Variants in AFDN observed in about 807,000 individuals in gnomAD.
AFDN encodes the protein afadin, adherens junction formation factor, also known as afadin.
A neutral mutation model predicts 216.6 loss-of-function variants in AFDN; 68 were observed. The observed-to-expected ratio is 0.31, with a 90% CI of 0.26 to 0.38. The LOEUF is 0.38. Ranked by LOEUF, AFDN falls within the 10% of genes least tolerant of loss-of-function variation. The pLI, the probability that AFDN is intolerant of heterozygous loss-of-function variation, is 1.00. For synonymous variants in AFDN, 868 were observed against 853.7 expected (o/e 1.02, Z -0.29); for missense variants, 2,136 against 2,342.0 (o/e 0.91, Z 1.82).
chr6:167,882,940 C>T (rs533126378), intron 6 of AFDN, among the ~76,000 whole-genome samples: 13 of 151,890 alleles, frequency 8.6e-5, no homozygotes, highest in African/African-American at 1.9e-4. Flanking sequence ...TCTGGCATGC[C>T]GTGTACTTTC....
chr6:167,951,983 G>A lies in AFDN; in HGVS notation c.4629G>A (p.Leu1543=), dbSNP rs778048799. 9.3e-6 allele frequency: 15 copies of A among 1,614,206 alleles called. No homozygotes were observed. The highest frequency in any genetic ancestry group is 1.2e-5 in the Non-Finnish European group (14 of 1,180,046). ...AGCAGATGCACATCGTGGACATGCT[G>A]AGCAAGGAGATCCAGGAGCTCCAGA... The part of the protein sequence containing the change: ...KQQQMHIVDM[L]SKEIQELQSK... The change falls in exon 30 of 34, where the codon CTG becomes CTA. Residue 1543 remains leucine, a synonymous_variant. Coordinates refer to ENST00000683244, the MANE Select transcript of AFDN (RefSeq NM_001386888.1). This position sits in a 1 kb window ranked among gnomAD's most constrained non-coding sequence, Gnocchi z 7.1.
rs779545868 is a variant in AFDN, at chr6:167,951,625, G to A, written c.4271G>A (p.Arg1424His). Residue 1424 changes from arginine (R) to histidine (H), a missense_variant, in exon 30 of 34, where the codon CGT becomes CAT. Arg to His is a conservative substitution (Grantham distance 29). Coordinates refer to ENST00000683244, the MANE Select transcript of AFDN (RefSeq NM_001386888.1). This position sits in a 1 kb window ranked among gnomAD's most constrained non-coding sequence, Gnocchi z 7.1. Reference protein sequence around the residue: ...AERRKREEHQRWYEKEKARLE... With the variant: ...AERRKREEHQHWYEKEKARLE... Reference sequence around the variant, plus strand: ...CGGAGAAAGAGAGAAGAACATCAGCGTTGGTATGAGAAGGAGAAGGCCCGC... The same window carrying A: ...CGGAGAAAGAGAGAAGAACATCAGCATTGGTATGAGAAGGAGAAGGCCCGC... 12 of 1,614,106 alleles carry A rather than the reference G, an allele frequency of 7.4e-6. No individual in the cohort carries two copies. The highest frequency in any genetic ancestry group is 4.4e-5 in the South Asian group (4 of 91,062).
rs1795509284 is a variant in AFDN, at chr6:167,947,849, G to C, written c.3554-4G>C. ...CTTTTTTTTTTCCCCCCTGACTTGA[G>C]CAGATCAGCCTCCTAGTCCTGGAGG... On this transcript the variant is annotated splice_region_variant and splice_polypyrimidine_tract_variant and intron_variant, in intron 27 of 33. Transcript: ENST00000683244. 6.2e-7 allele frequency: 1 copy of C among 1,603,286 alleles called. No individual in the cohort carries two copies. Among genetic ancestry groups the C allele is most frequent in the African/African-American group, 1.3e-5 (1 of 74,428 alleles).
intron 1 of AFDN, among the ~76,000 whole-genome samples, chr6:167,830,804 T>C (rs888164908): frequency 8.5e-5 from 13 of 152,206 alleles, no homozygotes; most frequent in African/African-American, 2.7e-4. Flanking sequence ...AATAACTTTG[T>C]CAGCAGAGGT....
intron 5 of AFDN, among the ~76,000 whole-genome samples, chr6:167,877,840 A>C (rs1316712259): frequency 6.6e-6 from 1 of 152,090 alleles, no homozygotes; most frequent in Non-Finnish European, 1.5e-5. Flanking sequence ...TTAGTTTCTC[A>C]AGTTCTGATG....
chr6:167,857,539 G>T (rs889412813), intron 1 of AFDN, among the ~76,000 whole-genome samples: 4 of 151,900 alleles, frequency 2.6e-5, no homozygotes, highest in African/African-American at 9.7e-5. Context: ...TTTTTTTCAG[G>T]GGGTTCTTAA....
chr6:167,827,169 C>A lies in AFDN; in HGVS notation c.37C>A (p.Leu13Met). The change falls in exon 1 of 34, where the codon CTG becomes ATG. Residue 13 changes from leucine (L) to methionine (M), a missense_variant. By Grantham distance (15) the Leu-to-Met change is conservative. Around this residue, in one of 8 missense-constraint regions of AFDN, gnomAD observed 81 missense variants for 51.2 expected, o/e 1.58. Transcript: ENST00000683244. Reference sequence around the variant, plus strand: ...CGGCCGTGACGAGGAGCGGCGGAAGCTGGCCGACATCATCCACCACTGGAA... The same window carrying A: ...CGGCCGTGACGAGGAGCGGCGGAAGATGGCCGACATCATCCACCACTGGAA... ...AGGRDEERRK[L>M]ADIIHHWNAN... 7.7e-7 allele frequency: 1 copy of A among 1,304,668 alleles called. No homozygotes were observed. The highest frequency in any genetic ancestry group is 1.0e-6 in the Non-Finnish European group (1 of 997,952). 80.8% of individuals were successfully genotyped at this position (1,304,668 alleles called of 1,614,324 possible). A position where few individuals can be genotyped will look rare whatever the true frequency, so the allele number is the denominator to read the frequency against.
rs574610606 is a variant in AFDN at position 167,947,451 on chromosome 6, T to C, written c.3554-402T>C. 1.8e-4 allele frequency among the ~76,000 whole-genome samples: 27 copies of C among 152,306 alleles called. No individual in the cohort carries two copies. In the East Asian group the frequency reaches 5.2e-3, roughly 29 times the overall value. ...GCCTTGGCCTCCCAAAGTGCTGGGA[T>C]TACAGGCTTGAGCCACCATGCCCAG... On this transcript the variant is annotated intron_variant, in intron 27 of 33. Transcript: ENST00000683244.
At chr6:167,876,525 TA>T (rs1377708195) in intron 5 of AFDN, among the ~76,000 whole-genome samples, 1 of 152,232 alleles carries the variant, frequency 6.6e-6, no homozygotes, top group Non-Finnish European at 1.5e-5. Context: ...AAGAAATGGC[TA>T]CATGTGCTAA....
chr6:167,904,384 T>A (rs990254699), intron 12 of AFDN, among the ~76,000 whole-genome samples: 7 of 151,948 alleles, frequency 4.6e-5, no homozygotes, highest in Non-Finnish European at 5.9e-5. Context: ...AATTTTTGTA[T>A]TTTTTAGTAG....
intron 20 of AFDN, among the ~76,000 whole-genome samples, chr6:167,917,590 C>T (rs1791250501): frequency 6.6e-6 from 1 of 152,210 alleles, no homozygotes; most frequent in Non-Finnish European, 1.5e-5. Flanking sequence ...AAATGAGAGG[C>T]TTGTCCCTTC....
intron 23 of AFDN, among the ~76,000 whole-genome samples, chr6:167,937,422 T>G (rs1338062826): frequency 6.6e-6 from 1 of 152,180 alleles, no homozygotes; most frequent in African/African-American, 2.4e-5. Flanking sequence ...CTTTTTAAAA[T>G]TTTTTTGTAG....
rs1297141457 is a variant in AFDN at position 167,893,910 on chromosome 6, A to G, written c.1222+4A>G. The G allele has an allele frequency of 1.9e-6, 3 of 1,578,042 alleles. No individual in the cohort carries two copies. The highest frequency in any genetic ancestry group is 2.6e-6 in the Non-Finnish European group (3 of 1,158,268). ...TACAACTATCACACTTACGAAGGTA[A>G]TGCTATGCTTACTACTACTTTTATA... On this transcript the variant is annotated splice_donor_region_variant and intron_variant, in intron 9 of 33. Coordinates refer to ENST00000683244, the MANE Select transcript of AFDN (RefSeq NM_001386888.1).
chr6:167,961,885 A>G lies in AFDN; in HGVS notation c.4834-548A>G, dbSNP rs576377158. ...GAGCTGATGGTAAAGGGCAGAGGAG[A>G]GAGAGTGGCAGGCCTTGGTCCCCGG... On this transcript the variant is annotated intron_variant, in intron 30 of 33. Coordinates refer to ENST00000683244, the MANE Select transcript of AFDN (RefSeq NM_001386888.1). Among the ~76,000 whole-genome samples, 89 of 152,228 alleles carry G rather than the reference A, an allele frequency of 5.8e-4. 1 individual carries two copies. The highest frequency in any genetic ancestry group is 1.2e-3 in the Non-Finnish European group (80 of 68,022).
intron 1 of AFDN, among the ~76,000 whole-genome samples, chr6:167,844,872 G>GTTTTTTTTTTTTTTTTTTTTT (rs1289118837): frequency 2.2e-5 from 3 of 137,402 alleles, no homozygotes; most frequent in African/African-American, 5.4e-5. Context: ...TTTTTTTTTG[G>GTTTTTTTTTTTTTTTTTTTTT]TTTTTGAGAC....
intron 15 of AFDN, chr6:167,912,112 G>A (rs889662667): frequency 6.6e-6 from 1 of 152,334 alleles, no homozygotes; most frequent in Non-Finnish European, 1.5e-5. Flanking sequence ...ATGAAATTCT[G>A]TCATAAACCT....
intron 1 of AFDN, 158 bp from the exon 2 acceptor site, chr6:167,864,393 A>G (rs1306162495): frequency 7.5e-6 from 6 of 798,900 alleles, no homozygotes; most frequent in East Asian, 4.9e-5. Flanking sequence ...CAGAAATGAA[A>G]CTTGAAGACT....
intron 1 of AFDN, among the ~76,000 whole-genome samples, chr6:167,853,342 A>T (rs1195905125): frequency 6.6e-6 from 1 of 152,088 alleles, no homozygotes; most frequent in Admixed American, 6.6e-5. Context: ...TAACAACAGG[A>T]TATCTGAATG....
intron 26 of AFDN, 54 bp downstream of exon 26, chr6:167,944,113 G>T (rs1012333188): frequency 2.9e-6 from 4 of 1,369,206 alleles, no homozygotes; most frequent in Non-Finnish European, 3.1e-6. Flanking sequence ...TCTTTGAATG[G>T]TCACAAAACC....
Sources: allele counts gnomAD v4.1 joint callset (sites outside exome capture counted in the v4.1 genomes callset), GRCh38; gene constraint gnomAD v4.1.1; regional missense constraint gnomAD v4.1.1; non-coding constraint Gnocchi (gnomAD v3.1); transcripts MANE v1.5; gene names NCBI Gene and HGNC (gene_info 2026-07-23, HGNC 2026-07-21).